ETNPPL: variants seen among roughly 807,000 people sequenced by gnomAD.
ETNPPL encodes ethanolamine-phosphate phospho-lyase, also known as alanine--glyoxylate aminotransferase 2-like 1.
In ETNPPL, 30 loss-of-function variants were observed where a neutral mutation model predicts 55.5. That is an observed-to-expected ratio of 0.54 (90% CI 0.40 to 0.73). The LOEUF (loss-of-function observed/expected upper bound fraction) is 0.73, where lower values mean the gene tolerates loss of function less well. Ranked by LOEUF, ETNPPL falls within the 30% of genes least tolerant of loss-of-function variation. The pLI is 0.00. For synonymous variants in ETNPPL, 202 were observed against 207.2 expected (o/e 0.98, Z 0.21); for missense variants, 528 against 607.9 (o/e 0.87, Z 1.38).
chr4:108,750,987 C>G lies in ETNPPL; in HGVS notation c.650G>C (p.Ser217Thr). Residue 217 changes from serine (S) to threonine (T), a missense_variant, in exon 7 of 13, where the codon AGT becomes ACT. Coordinates refer to ENST00000296486, the MANE Select transcript of ETNPPL (RefSeq NM_031279.4). The part of the protein sequence containing the change: ...IAAFIAESMQ[S>T]CGGQIIPPAG... Reference sequence around the variant, plus strand: ...TGGAGGAATTATTTGTCCGCCACAACTCTGCATGGATTCAGCAATAAAGGC... The same window carrying G: ...TGGAGGAATTATTTGTCCGCCACAAGTCTGCATGGATTCAGCAATAAAGGC... 6 of 1,613,450 alleles carry G rather than the reference C, an allele frequency of 3.7e-6. No individual in the cohort carries two copies. Among genetic ancestry groups the G allele is most frequent in the Non-Finnish European group, 5.1e-6 (6 of 1,179,546 alleles).
At chr4:108,744,005 G>C (rs1728343794) in intron 11 of ETNPPL, 149 bp from the exon 12 acceptor site, 2 of 621,034 alleles carry the variant, frequency 3.2e-6, no homozygotes, top group Non-Finnish European at 5.7e-6. Flanking sequence ...GCTCATGCCT[G>C]TCATCCCAGC....
Position 108,742,379 on chromosome 4 carries a change from G to T in ETNPPL, c.*105C>A. 6 of 1,170,130 alleles carry T rather than the reference G, an allele frequency of 5.1e-6. No individual in the cohort carries two copies. The highest frequency in any genetic ancestry group is 7.4e-6 in the Non-Finnish European group (6 of 809,166). The allele number at this position is 1,170,130 out of a possible 1,614,324, so 72.5% of individuals were successfully genotyped here. On this transcript the variant is annotated 3_prime_UTR_variant, in exon 13 of 13. Coordinates refer to ENST00000296486, the MANE Select transcript of ETNPPL (RefSeq NM_031279.4). The stretch of plus-strand genomic sequence containing the variant: ...ACCTTTTCATTTATGAATCTAAACT[G>T]ACAATTCCACCTTTAGAGGTATAAT...
Position 108,754,702 on chromosome 4 carries a change from T to C in ETNPPL, c.419A>G (p.His140Arg). The C allele has an allele frequency of 6.4e-7, 1 of 1,567,486 alleles. No individual in the cohort carries two copies. Among genetic ancestry groups the C allele is most frequent in the Non-Finnish European group, 8.8e-7 (1 of 1,141,704 alleles). ...CTCAATTAAGGATGATAGGTGACCA[T>C]GGTAAGCACTGAAGAGACAAAGAAA... Reference protein sequence around the residue: ...QDVITLDHAYHGHLSSLIEIS... With the variant: ...QDVITLDHAYRGHLSSLIEIS... Residue 140 changes from histidine (H) to arginine (R), a missense_variant, in exon 5 of 13, where the codon CAT becomes CGT. By Grantham distance (29) the His-to-Arg change is conservative. Coordinates refer to ENST00000296486, the MANE Select transcript of ETNPPL (RefSeq NM_031279.4).
intron 5 of ETNPPL, among the ~76,000 whole-genome samples, chr4:108,753,607 T>G (rs1389503658): frequency 6.6e-6 from 1 of 151,994 alleles, no homozygotes; most frequent in African/African-American, 2.4e-5. Context: ...CAGGGCTTGG[T>G]GGTGTATGCC....
intron 1 of ETNPPL, chr4:108,762,407 T>C (rs770188086): frequency 5.8e-6 from 3 of 515,710 alleles, no homozygotes; most frequent in African/African-American, 1.9e-5. Flanking sequence ...ATTGTCAGAA[T>C]TGGTTTGTTT....
At chr4:108,754,038 A>G (rs549861485) in intron 5 of ETNPPL, among the ~76,000 whole-genome samples, 17 of 143,024 alleles carry the variant, frequency 1.2e-4, no homozygotes, top group African/African-American at 4.5e-4. Context: ...CAGTGGCACG[A>G]TCTTGGCTCA....
chr4:108,747,145 TATAA>T lies in ETNPPL; in HGVS notation c.1083-298_1083-295del, dbSNP rs1388005214. On this transcript the variant is annotated intron_variant, in intron 9 of 12. Transcript: ENST00000296486. ...AACATTATATATATATATATATATA[TATAA>T]TATATATATATATATTATATATATA... Among the ~76,000 whole-genome samples, 65 of 22,904 alleles carry T rather than the reference TATAA, an allele frequency of 2.8e-3. 5 individuals carry two copies. The highest frequency in any genetic ancestry group is 0.019 in the East Asian group (9 of 466). 15.0% of individuals were successfully genotyped at this position (22,904 alleles called of 152,430 possible). A position where few individuals can be genotyped will look rare whatever the true frequency, so the allele number is the denominator to read the frequency against.
chr4:108,753,847 C>T (rs1016673751), intron 5 of ETNPPL, among the ~76,000 whole-genome samples: 1 of 150,616 alleles, frequency 6.6e-6, no homozygotes, highest in Non-Finnish European at 1.5e-5. Flanking sequence ...TATACTGTTC[C>T]TCAGTTAAGA....
Position 108,756,444 on chromosome 4 carries a change from G to A in ETNPPL, c.384C>T (p.Gly128=), listed in dbSNP as rs369575615. ...LALRLARQFR[G]HQDVITLDHA... ...GGTCAAGAGTGATCACATCCTGGTGGCCTCTGAACTGCCGAGCCAGGCGTA... is the reference window on the plus strand; with the variant it reads ...GGTCAAGAGTGATCACATCCTGGTGACCTCTGAACTGCCGAGCCAGGCGTA... Residue 128 remains glycine (G), a synonymous_variant, in exon 4 of 13, where the codon GGC becomes GGT. Transcript: ENST00000296486. 3.0e-5 allele frequency: 48 copies of A among 1,613,784 alleles called. No homozygotes were observed. The highest frequency in any genetic ancestry group is 3.7e-5 in the Non-Finnish European group (44 of 1,179,826).
At chr4:108,757,726 C>CCCAT in intron 3 of ETNPPL, among the ~76,000 whole-genome samples, 1 of 151,926 alleles carries the variant, frequency 6.6e-6, no homozygotes, top group Non-Finnish European at 1.5e-5. Flanking sequence ...ATTGCTTGAG[C>CCCAT]CCATGAGTTT....
intron 5 of ETNPPL, among the ~76,000 whole-genome samples, chr4:108,753,504 G>T (rs1729010980): frequency 6.6e-6 from 1 of 152,112 alleles, no homozygotes; most frequent in Admixed American, 6.6e-5. Context: ...CACTTTGGGA[G>T]GCTGAGGTGT....
chr4:108,756,346 G>C (rs949565389), intron 4 of ETNPPL, 72 bp downstream of exon 4: 1 of 1,017,760 alleles, frequency 9.8e-7, no homozygotes, highest in African/African-American at 1.6e-5. Context: ...CATGGTATTA[G>C]TATGGATAGG....
At chr4:108,743,988 C>A in intron 11 of ETNPPL, 132 bp from the exon 12 acceptor site, 4 of 642,994 alleles carry the variant, frequency 6.2e-6, no homozygotes, top group South Asian at 1.9e-5. Context: ...ATGGGCTGGG[C>A]GCTGTGGCTC....
intron 3 of ETNPPL, 55 bp from the exon 4 acceptor site, chr4:108,756,547 T>C: frequency 7.2e-7 from 1 of 1,382,802 alleles, no homozygotes; most frequent in South Asian, 1.2e-5. Flanking sequence ...TTTAAAACAT[T>C]TAGGATGTGC....
intron 8 of ETNPPL, among the ~76,000 whole-genome samples, chr4:108,748,993 C>T (rs1728756661): frequency 6.6e-6 from 1 of 152,090 alleles, no homozygotes; most frequent in Non-Finnish European, 1.5e-5. Flanking sequence ...AGCAAACCAC[C>T]ATGGCACATG....
At chr4:108,756,307 C>G (rs557651702) in intron 4 of ETNPPL, 111 bp downstream of exon 4, 4 of 707,022 alleles carry the variant, frequency 5.7e-6, no homozygotes, top group Non-Finnish European at 5.0e-6. Flanking sequence ...AAACATTGCT[C>G]CATATATCTG....
At chr4:108,756,567 T>G in intron 3 of ETNPPL, 75 bp from the exon 4 acceptor site, 6 of 1,122,720 alleles carry the variant, frequency 5.3e-6, no homozygotes, top group Non-Finnish European at 6.8e-6. Flanking sequence ...CCAGGCACGG[T>G]AGCTCACGCC....
intron 8 of ETNPPL, among the ~76,000 whole-genome samples, chr4:108,748,971 G>A (rs770375427): frequency 6.6e-6 from 1 of 152,072 alleles, no homozygotes; most frequent in Non-Finnish European, 1.5e-5. Context: ...TAGATGACGG[G>A]TTGATAGGTG....
At chr4:108,744,512 C>T (rs1728370668) in intron 11 of ETNPPL, among the ~76,000 whole-genome samples, 1 of 152,014 alleles carries the variant, frequency 6.6e-6, no homozygotes, top group Admixed American at 6.6e-5. Flanking sequence ...AAGGACACAT[C>T]TGCTTGTGAG....
Sources: gnomAD v4.1 joint callset for allele counts (sites outside exome capture counted in the v4.1 genomes callset) on GRCh38, gnomAD v4.1.1 for gene constraint, MANE v1.5 for transcripts, NCBI Gene and HGNC (gene_info 2026-07-23, HGNC 2026-07-21) for gene names.